Variants in NBL1 observed in about 807,000 individuals in gnomAD.
NBL1 encodes the protein NBL1, DAN family BMP antagonist, also known as neuroblastoma suppressor of tumorigenicity 1.
NBL1 carries 9 observed loss-of-function variants against 16.0 expected under a neutral mutation model. The observed-to-expected ratio is 0.56, with a 90% CI of 0.34 to 0.98. NBL1 has a LOEUF of 0.98. Ranked by LOEUF, NBL1 falls within the 50% of genes least tolerant of loss-of-function variation. The probability of loss-of-function intolerance (pLI) is 0.02; values close to 1 mark genes in which losing one functional copy is unlikely to be tolerated. For missense variants in NBL1, 196 were observed against 243.1 expected (o/e 0.81, Z 1.29); for synonymous variants, 86 against 100.7 (o/e 0.85, Z 0.87).
At chr1:19,646,374 C>T (rs2094980550) in intron 1 of NBL1, among the ~76,000 whole-genome samples, 2 of 152,186 alleles carry the variant, frequency 1.3e-5, no homozygotes, top group Non-Finnish European at 2.9e-5. Flanking sequence ...AACCATTAGA[C>T]TCTCCTGACT....
At chr1:19,645,337 G>T (rs1394711232) in intron 1 of NBL1, 1 of 985,206 alleles carries the variant, frequency 1.0e-6, no homozygotes, top group Non-Finnish European at 1.2e-6. Flanking sequence ...CGGGCCACCT[G>T]CCCGGCCCGC....
chr1:19,650,384 T>C (rs937729633), intron 1 of NBL1, among the ~76,000 whole-genome samples: 1 of 152,362 alleles, frequency 6.6e-6, no homozygotes, highest in Middle Eastern at 3.4e-3. Flanking sequence ...GCCCCCTATT[T>C]ACCCACATCC....
At chr1:19,649,014 A>G (rs1288520164) in intron 1 of NBL1, among the ~76,000 whole-genome samples, 2 of 152,146 alleles carry the variant, frequency 1.3e-5, no homozygotes, top group East Asian at 1.9e-4. Flanking sequence ...GTTAACAGGA[A>G]TGAGAGGCGC....
upstream of NBL1, chr1:19,643,423 C>G: frequency 6.2e-7 from 1 of 1,612,622 alleles, no homozygotes; most frequent in Admixed American, 1.7e-5. The surrounding 1 kb of genome is among the most constrained non-coding windows in gnomAD (Gnocchi z 4.7). Flanking sequence ...AGCAAAATCC[C>G]CAAGTCCTAC....
chr1:19,654,758 G>C (rs1222985494), intron 1 of NBL1, among the ~76,000 whole-genome samples: 1 of 151,850 alleles, frequency 6.6e-6, no homozygotes, highest in Non-Finnish European at 1.5e-5. Flanking sequence ...AACACATATG[G>C]AATGTGTATT....
intron 3 of NBL1, 32 bp downstream of exon 3, chr1:19,655,467 C>G: frequency 6.2e-7 from 1 of 1,609,594 alleles, no homozygotes. Context: ...CACCCAGTCT[C>G]GGCCCGGAGC....
intron 1 of NBL1, among the ~76,000 whole-genome samples, chr1:19,646,217 G>A (rs11808455): frequency 0.068 from 10,413 of 152,296 alleles, 381 homozygotes; most frequent in Non-Finnish European, 0.078. Flanking sequence ...TGGGGTCGTG[G>A]AATCACAGCG....
At chr1:19,648,974 C>T (rs923787168) in intron 1 of NBL1, among the ~76,000 whole-genome samples, 5 of 152,130 alleles carry the variant, frequency 3.3e-5, no homozygotes. Context: ...CCCCAAGCTT[C>T]CAGTCCAGGC....
chr1:19,645,934 G>T, intron 1 of NBL1: 1 of 1,550,292 alleles, frequency 6.5e-7, no homozygotes, highest in South Asian at 1.2e-5. Context: ...GTCTGCAGTG[G>T]AACTTCTGCT....
chr1:19,652,260 T>A (rs550123674), intron 1 of NBL1, among the ~76,000 whole-genome samples: 3 of 152,286 alleles, frequency 2.0e-5, no homozygotes, highest in African/African-American at 7.2e-5. Context: ...CCTTCAGGTG[T>A]GCTGTGGGCA....
In NBL1 at chr1:19,644,494, T is replaced by C; in HGVS notation, c.-20+48T>C. ...CGCGGGCGCCCGGCTTCCAGAGGCTTCGGCCGCGGGGGCAGTGCCGCGCCC... is the reference window on the plus strand; with the variant it reads ...CGCGGGCGCCCGGCTTCCAGAGGCTCCGGCCGCGGGGGCAGTGCCGCGCCC... On this transcript the variant is annotated intron_variant, in intron 1 of 3. Transcript: ENST00000375136. The surrounding 1 kb of genome is among the most constrained non-coding windows in gnomAD (Gnocchi z 4.6). 1.0e-6 allele frequency: 1 copy of C among 961,726 alleles called. No individual in the cohort carries two copies. Among genetic ancestry groups the C allele is most frequent in the Non-Finnish European group, 1.2e-6 (1 of 811,366 alleles). 59.6% of individuals were successfully genotyped at this position (961,726 alleles called of 1,614,324 possible).
At chr1:19,643,293 C>A, upstream of NBL1, 1 of 1,612,628 alleles carries the variant, frequency 6.2e-7, no homozygotes, top group Non-Finnish European at 8.5e-7. This position sits in a 1 kb window ranked among gnomAD's most constrained non-coding sequence, Gnocchi z 4.7. Context: ...TCCCAGCAGG[C>A]CACTAGGAGC....
chr1:19,649,245 G>C (rs1038423445), intron 1 of NBL1, among the ~76,000 whole-genome samples: 1 of 152,046 alleles, frequency 6.6e-6, no homozygotes, highest in Admixed American at 6.6e-5. Context: ...TCTAAAAATG[G>C]GGGAAAGAAT....
chr1:19,644,612 C>T lies in NBL1; in HGVS notation c.-20+166C>T, dbSNP rs374684526. On this transcript the variant is annotated intron_variant, in intron 1 of 3. Coordinates refer to ENST00000375136, the MANE Select transcript of NBL1 (RefSeq NM_005380.8). This position sits in a 1 kb window ranked among gnomAD's most constrained non-coding sequence, Gnocchi z 4.6. ...AGCTCAGGAGCCCTGGGGGACCTGG[C>T]GGGCGCCTCCGGACGCCGGCGCTGG... 6.7e-6 allele frequency among the ~76,000 whole-genome samples: 1 copy of T among 150,368 alleles called. No individual in the cohort carries two copies. Among genetic ancestry groups the T allele is most frequent in the Non-Finnish European group, 1.5e-5 (1 of 67,364 alleles).
chr1:19,656,142 T>C (rs920436060), intron 3 of NBL1, among the ~76,000 whole-genome samples: 6 of 151,898 alleles, frequency 4.0e-5, no homozygotes, highest in Non-Finnish European at 8.8e-5. Context: ...CTGATTTCCT[T>C]GAAGGAAATG....
chr1:19,656,054 G>T (rs528354236), intron 3 of NBL1, among the ~76,000 whole-genome samples: 1 of 152,094 alleles, frequency 6.6e-6, no homozygotes, highest in Non-Finnish European at 1.5e-5. Flanking sequence ...GTATGCCTCC[G>T]CTTCAAGCAC....
rs1350057205 is a variant in NBL1, at chr1:19,644,689, C to T, written c.-20+243C>T. ...GGGGGGCACCGCCGCGTCCGGAGCC[C>T]GTCCCCAGACTCGCCCCAGGGTTCC... On this transcript the variant is annotated intron_variant, in intron 1 of 3. Coordinates refer to ENST00000375136, the MANE Select transcript of NBL1 (RefSeq NM_005380.8). The surrounding 1 kb of genome is among the most constrained non-coding windows in gnomAD (Gnocchi z 4.6). Among the ~76,000 whole-genome samples the T allele has an allele frequency of 6.6e-6, 1 of 151,838 alleles. No homozygotes were observed. Among genetic ancestry groups the T allele is most frequent in the Non-Finnish European group, 1.5e-5 (1 of 67,908 alleles).
chr1:19,650,338 G>C (rs2095016320), intron 1 of NBL1, among the ~76,000 whole-genome samples: 1 of 152,172 alleles, frequency 6.6e-6, no homozygotes, highest in Non-Finnish European at 1.5e-5. Flanking sequence ...CTTCCCTCCT[G>C]AGAGCCATCT....
intron 3 of NBL1, among the ~76,000 whole-genome samples, chr1:19,656,312 T>TG (rs1481823647): frequency 6.8e-6 from 1 of 147,430 alleles, no homozygotes; most frequent in Non-Finnish European, 1.5e-5. Flanking sequence ...TCAGCTGGGC[T>TG]GGGCTTTGGG....
Sources: gnomAD v4.1 joint callset for allele counts (sites outside exome capture counted in the v4.1 genomes callset) on GRCh38, gnomAD v4.1.1 for gene constraint, Gnocchi (gnomAD v3.1) non-coding constraint, MANE v1.5 for transcripts, NCBI Gene and HGNC (gene_info 2026-07-23, HGNC 2026-07-21) for gene names.